Variants in RNF114 observed in about 807,000 individuals in gnomAD.
RNF114 encodes the protein ring finger protein 114.
A neutral mutation model predicts 28.4 loss-of-function variants in RNF114; 6 were observed. That is an observed-to-expected ratio of 0.21 (90% confidence interval 0.12 to 0.42). The LOEUF is 0.42. RNF114 is among the 10% of genes least tolerant of loss of function. The pLI is 1.00. For synonymous variants in RNF114, 115 were observed against 116.7 expected (o/e 0.99, Z 0.09); for missense variants, 249 against 311.7 (o/e 0.80, Z 1.51).
intron 5 of RNF114, among the ~76,000 whole-genome samples, chr20:49,951,502 A>G (rs1159854627): frequency 6.6e-6 from 1 of 152,116 alleles, no homozygotes; most frequent in Admixed American, 6.5e-5. Flanking sequence ...TGTTCTGAGC[A>G]CTTGGTCTGT....
chr20:49,947,505 C>G (rs890726875), intron 4 of RNF114, among the ~76,000 whole-genome samples: 13 of 152,062 alleles, frequency 8.5e-5, no homozygotes, highest in African/African-American at 1.9e-4. Context: ...TAAGATGGAA[C>G]TGGCCATTTT....
intron 1 of RNF114, among the ~76,000 whole-genome samples, chr20:49,937,696 C>T (rs2090293101): frequency 6.6e-6 from 1 of 152,096 alleles, no homozygotes; most frequent in Non-Finnish European, 1.5e-5. Context: ...AACTCTTCCC[C>T]CCACCCCTCC....
chr20:49,936,617 G>A lies in RNF114; in HGVS notation c.140+65G>A. The A allele has an allele frequency of 3.2e-6, 5 of 1,543,794 alleles. No individual in the cohort carries two copies. The South Asian group carries it at 4.8e-5, about 15-fold the overall frequency. ...TGGGAAGGGAATGGAGCCGAGGAGCGAGATGGGTCTCAGGGCGGGAGCCAG... is the reference window on the plus strand; with the variant it reads ...TGGGAAGGGAATGGAGCCGAGGAGCAAGATGGGTCTCAGGGCGGGAGCCAG... On this transcript the variant is annotated intron_variant, in intron 1 of 5. Coordinates refer to ENST00000244061, the MANE Select transcript of RNF114 (RefSeq NM_018683.4).
intron 1 of RNF114, among the ~76,000 whole-genome samples, chr20:49,940,770 C>G (rs542936540): frequency 2.0e-4 from 30 of 151,180 alleles, no homozygotes; most frequent in Admixed American, 1.3e-3. Context: ...TCCCCTCCAC[C>G]CCCCCCTTGA....
At chr20:49,951,294 TCTGTGTCACATTAACAA>T (rs558905376) in intron 5 of RNF114, among the ~76,000 whole-genome samples, 1 of 151,530 alleles carries the variant, frequency 6.6e-6, no homozygotes, top group East Asian at 2.0e-4. Context: ...ATTACATTCA[TCTGTGTCACATTAACAA>T]AAATGACTCA....
At chr20:49,943,651 CTTTTTTTTTTT>C (rs60425763) in intron 2 of RNF114, among the ~76,000 whole-genome samples, 2 of 72,122 alleles carry the variant, frequency 2.8e-5, no homozygotes, top group African/African-American at 1.2e-4. Context: ...CTACTGTCTT[CTTTTTTTTTTT>C]TTTTTTTTTT....
Position 49,952,069 on chromosome 20 carries a change from C to T in RNF114, c.622-7C>T, listed in dbSNP as rs746932430. 2 of 1,611,454 alleles carry T rather than the reference C, an allele frequency of 1.2e-6. No individual in the cohort carries two copies. Among genetic ancestry groups the T allele is most frequent in the African/African-American group, 1.3e-5 (1 of 74,844 alleles). On this transcript the variant is annotated splice_region_variant and splice_polypyrimidine_tract_variant and intron_variant, in intron 5 of 5. Coordinates refer to ENST00000244061, the MANE Select transcript of RNF114 (RefSeq NM_018683.4). ...TGCTGAGGCTGCATGTCTCTTTTTG[C>T]CCTTAGGATTATGATGTTGATGAAG...
intron 1 of RNF114, 82 bp downstream of exon 1, chr20:49,936,634 G>C: frequency 8.7e-6 from 13 of 1,497,038 alleles, no homozygotes; most frequent in Non-Finnish European, 1.2e-5. Flanking sequence ...GTCTCAGGGC[G>C]GGAGCCAGAG....
chr20:49,942,282 T>C (rs2090310899), intron 2 of RNF114, among the ~76,000 whole-genome samples: 1 of 152,086 alleles, frequency 6.6e-6, no homozygotes, highest in African/African-American at 2.4e-5. Context: ...TATGAAATCA[T>C]TGGATTGTAA....
chr20:49,950,203 A>G (rs372248148), intron 5 of RNF114, among the ~76,000 whole-genome samples: 2 of 152,054 alleles, frequency 1.3e-5, no homozygotes, highest in East Asian at 3.9e-4. Context: ...GTGAGCCAAT[A>G]TCGTGCCACT....
Position 49,936,479 on chromosome 20 carries a change from C to T in RNF114, c.67C>T (p.Pro23Ser). The T allele has an allele frequency of 1.3e-6, 2 of 1,556,544 alleles. No homozygotes were observed. Among genetic ancestry groups the T allele is most frequent in the African/African-American group, 1.4e-5 (1 of 72,190 alleles). ...GGCGGGGCCGGCGGCGGAGGCTGAC[C>T]CCCTAGGACGCTTCACGTGTCCCGT... The part of the protein sequence containing the change: ...QLAGPAAEAD[P>S]LGRFTCPVCL... Residue 23 changes from proline to serine, a missense_variant, in exon 1 of 6, where the codon CCC becomes TCC. Pro to Ser is a moderately conservative substitution (Grantham distance 74). Around this residue, in one of 2 missense-constraint regions of RNF114, gnomAD observed 123 missense variants for 106.4 expected, o/e 1.16. Coordinates refer to ENST00000244061, the MANE Select transcript of RNF114 (RefSeq NM_018683.4).
chr20:49,936,653 C>G, intron 1 of RNF114, 101 bp downstream of exon 1: 2 of 1,412,516 alleles, frequency 1.4e-6, no homozygotes, highest in Non-Finnish European at 1.9e-6. Flanking sequence ...AGGACCCACC[C>G]AGAGGGGCCT....
At chr20:49,937,964 A>T (rs1050388154) in intron 1 of RNF114, among the ~76,000 whole-genome samples, 1 of 152,158 alleles carries the variant, frequency 6.6e-6, no homozygotes, top group Non-Finnish European at 1.5e-5. Context: ...AGTACCAATG[A>T]CTGGTCAAAC....
rs767851964 is a variant in RNF114 at position 49,936,420 on chromosome 20, C to T, written c.8C>T (p.Ala3Val). 8.6e-6 allele frequency: 13 copies of T among 1,511,776 alleles called. No individual in the cohort carries two copies. The highest frequency in any genetic ancestry group is 2.2e-5 in the Admixed American group (1 of 45,284). The allele number at this position is 1,511,776 out of a possible 1,614,324, so 93.6% of individuals were successfully genotyped here. A position where few individuals can be genotyped will look rare whatever the true frequency, so the allele number is the denominator to read the frequency against. MAAQQRDCGGAAQ... is the reference protein window; with the variant it reads MAVQQRDCGGAAQ... ...GCGCAGAGCGGCAGCAAGATGGCGG[C>T]GCAACAGCGGGACTGCGGGGGTGCT... The change falls in exon 1 of 6, where the codon GCG becomes GTG. Residue 3 changes from alanine to valine, a missense_variant. By Grantham distance (64) the Ala-to-Val change is moderately conservative (BLOSUM62 0). This residue lies in a region of RNF114 where 123 missense variants were observed against 106.4 expected (regional missense o/e 1.16). Transcript: ENST00000244061.
At chr20:49,945,758 C>T (rs1398126075) in intron 3 of RNF114, among the ~76,000 whole-genome samples, 6 of 152,094 alleles carry the variant, frequency 3.9e-5, no homozygotes, top group Admixed American at 6.6e-5. Context: ...CTCTGCCTCC[C>T]GGGTTCAAGC....
Position 49,936,469 on chromosome 20 carries a change from G to A in RNF114, c.57G>A (p.Ala19=). The A allele has an allele frequency of 6.4e-7, 1 of 1,551,708 alleles. No individual in the cohort carries two copies. The highest frequency in any genetic ancestry group is 8.7e-7 in the Non-Finnish European group (1 of 1,150,040). The change falls in exon 1 of 6, where the codon GCG becomes GCA. Residue 19 remains alanine, a synonymous_variant. Coordinates refer to ENST00000244061, the MANE Select transcript of RNF114 (RefSeq NM_018683.4). The stretch of plus-strand genomic sequence containing the variant: ...CTGCGCAGCTGGCGGGGCCGGCGGC[G>A]GAGGCTGACCCCCTAGGACGCTTCA... ...GGAAQLAGPA[A]EADPLGRFTC...
At chr20:49,945,703 T>G (rs1269992485) in intron 3 of RNF114, among the ~76,000 whole-genome samples, 2 of 152,224 alleles carry the variant, frequency 1.3e-5, no homozygotes, top group African/African-American at 4.8e-5. Flanking sequence ...TCTCGCTCTG[T>G]TGCCCAGGCT....
At chr20:49,937,289 C>G (rs1236502683) in intron 1 of RNF114, among the ~76,000 whole-genome samples, 2 of 152,144 alleles carry the variant, frequency 1.3e-5, no homozygotes, top group African/African-American at 4.8e-5. Context: ...AAGCCTTGTT[C>G]CATCAGACGC....
At chr20:49,938,966 C>T (rs1157827888) in intron 1 of RNF114, among the ~76,000 whole-genome samples, 2 of 152,246 alleles carry the variant, frequency 1.3e-5, no homozygotes, top group African/African-American at 4.8e-5. Flanking sequence ...TCTACTGCCT[C>T]ATCACTTGCC....
Sources: allele counts gnomAD v4.1 joint callset (sites outside exome capture counted in the v4.1 genomes callset), GRCh38; gene constraint gnomAD v4.1.1; regional missense constraint gnomAD v4.1.1; transcripts MANE v1.5; gene names NCBI Gene and HGNC (gene_info 2026-07-23, HGNC 2026-07-21).